KLF12: variants seen among roughly 807,000 people sequenced by gnomAD.
The protein encoded by KLF12 is Krueppel-like factor 12.
A neutral mutation model predicts 37.8 loss-of-function variants in KLF12; 9 were observed. The observed-to-expected ratio is 0.24, with a 90% CI of 0.14 to 0.42. KLF12 has a LOEUF of 0.42. Ranked by LOEUF, KLF12 falls within the 10% of genes least tolerant of loss-of-function variation. The pLI is 1.00. For synonymous variants in KLF12, 208 were observed against 202.1 expected, an observed-to-expected ratio of 1.03 and a Z score of -0.25; for missense variants, 411 against 516.0, an observed-to-expected ratio of 0.80 and a Z score of 1.97.
At chr13:74,033,798 C>T (rs1468590533) in intron 1 of KLF12, among the ~76,000 whole-genome samples, 6 of 151,852 alleles carry the variant, frequency 4.0e-5, no homozygotes, top group African/African-American at 1.4e-4. Context: ...GAATATATTC[C>T]TAGAAGTAAA....
At chr13:74,138,617 C>G (rs1440385747), upstream of KLF12, among the ~76,000 whole-genome samples, 1 of 152,066 alleles carries the variant, frequency 6.6e-6, no homozygotes, top group Non-Finnish European at 1.5e-5. Context: ...GTTTTCGGTC[C>G]TTCTAGTTTA....
At chr13:74,169,612 C>T in the KLF12 span, among the ~76,000 whole-genome samples, 11 of 152,250 alleles carry the variant, frequency 7.2e-5, no homozygotes, top group Admixed American at 7.2e-4. Flanking sequence ...AATAAGCTAC[C>T]ACTCTTTGCC....
intron 1 of KLF12, among the ~76,000 whole-genome samples, chr13:74,057,967 A>T (rs1165360403): frequency 2.8e-5 from 4 of 141,706 alleles, no homozygotes; most frequent in Non-Finnish European, 6.2e-5. Flanking sequence ...TAGCTATGTA[A>T]TTTTTTTTTT....
At chr13:73,944,175 T>C in intron 2 of KLF12, 105 bp from the exon 3 acceptor site, 1 of 688,306 alleles carries the variant, frequency 1.5e-6, no homozygotes, top group Non-Finnish European at 2.5e-6. Flanking sequence ...GCTAACCTAA[T>C]TTTTTAAACA....
At chr13:73,742,145 T>C (rs1322675895) in intron 6 of KLF12, among the ~76,000 whole-genome samples, 1 of 151,918 alleles carries the variant, frequency 6.6e-6, no homozygotes, top group Non-Finnish European at 1.5e-5. Context: ...TTTAGAGATA[T>C]AAGCAAAGGG....
In KLF12 at chr13:73,693,370, T is replaced by A. The variant is rs1175802235; in HGVS notation, c.*2120A>T. ...GTTGATGAGTAGTAGACTGTGCAGCTAAAGATGCTATTTATCACTAGAACT... is the reference window on the plus strand; with the variant it reads ...GTTGATGAGTAGTAGACTGTGCAGCAAAAGATGCTATTTATCACTAGAACT... On this transcript the variant is annotated 3_prime_UTR_variant, in exon 8 of 8. Coordinates refer to ENST00000377669, the MANE Select transcript of KLF12 (RefSeq NM_007249.5). 6.6e-6 allele frequency: 1 copy of A among 152,232 alleles called. No homozygotes were observed. The highest frequency in any genetic ancestry group is 2.4e-5 in the African/African-American group (1 of 41,454). The allele number at this position is 152,232 out of a possible 1,614,324, so 9.4% of individuals were successfully genotyped here. A position where few individuals can be genotyped will look rare whatever the true frequency, so the allele number is the denominator to read the frequency against.
the KLF12 span, among the ~76,000 whole-genome samples, chr13:74,150,120 A>G: frequency 6.6e-6 from 1 of 151,426 alleles, no homozygotes; most frequent in Admixed American, 6.6e-5. Flanking sequence ...TAATTTCAGT[A>G]AGGACTGATT....
chr13:73,722,687 A>T (rs552187534), intron 6 of KLF12, among the ~76,000 whole-genome samples: 1 of 152,334 alleles, frequency 6.6e-6, no homozygotes, highest in Non-Finnish European at 1.5e-5. Context: ...TTCAATAAAA[A>T]CGTTTTCACA....
chr13:74,270,390 C>T, the KLF12 span, among the ~76,000 whole-genome samples: 2 of 152,172 alleles, frequency 1.3e-5, no homozygotes, highest in African/African-American at 4.8e-5. Flanking sequence ...AGATTTAGTT[C>T]TGTCATATGG....
At chr13:74,055,225 C>T (rs148231898) in intron 1 of KLF12, among the ~76,000 whole-genome samples, 400 of 152,284 alleles carry the variant, frequency 2.6e-3, no homozygotes, top group African/African-American at 9.2e-3. Context: ...ACCAAAATAT[C>T]GTGTAGTGTT....
chr13:74,208,778 A>T, the KLF12 span, among the ~76,000 whole-genome samples: 4 of 152,138 alleles, frequency 2.6e-5, no homozygotes, highest in African/African-American at 9.7e-5. Context: ...AGTTTGAGGC[A>T]GCTTGGGCAG....
intron 6 of KLF12, among the ~76,000 whole-genome samples, chr13:73,737,715 T>C (rs1877561947): frequency 6.6e-6 from 1 of 152,186 alleles, no homozygotes; most frequent in Admixed American, 6.5e-5. Context: ...ATGAATATTA[T>C]GGATATGTGG....
At chr13:73,860,354 C>G (rs980751655) in intron 3 of KLF12, among the ~76,000 whole-genome samples, 4 of 152,166 alleles carry the variant, frequency 2.6e-5, no homozygotes, top group African/African-American at 9.7e-5. Flanking sequence ...GCACCTATCA[C>G]AGTCCCCAGT....
chr13:74,234,632 A>T, the KLF12 span, among the ~76,000 whole-genome samples: 1 of 152,188 alleles, frequency 6.6e-6, no homozygotes, highest in East Asian at 1.9e-4. Context: ...AGGAAAAGTC[A>T]TTATGCAAGG....
intron 2 of KLF12, among the ~76,000 whole-genome samples, chr13:73,946,604 C>T (rs1232183531): frequency 6.6e-6 from 1 of 152,086 alleles, no homozygotes; most frequent in Non-Finnish European, 1.5e-5. Context: ...AAAACATTCT[C>T]GATTTTTTTA....
intron 4 of KLF12, chr13:73,845,200 G>A (rs1487474670): frequency 1.3e-5 from 2 of 152,138 alleles, no homozygotes; most frequent in African/African-American, 4.8e-5. Context: ...AATATTTCCA[G>A]TATATTGAGT....
At chr13:73,901,512 A>T (rs906881749) in intron 3 of KLF12, among the ~76,000 whole-genome samples, 1 of 152,118 alleles carries the variant, frequency 6.6e-6, no homozygotes, top group Admixed American at 6.5e-5. Flanking sequence ...GGAGGTATAT[A>T]TTAGCCCAAA....
intron 2 of KLF12, among the ~76,000 whole-genome samples, chr13:73,966,765 A>AT (rs1442518782): frequency 1.3e-5 from 2 of 152,228 alleles, no homozygotes; most frequent in Admixed American, 1.3e-4. Flanking sequence ...CTGAATTTAT[A>AT]TGCCCAGTAA....
rs187238753 is a variant in KLF12, at chr13:73,794,278, T to C, written c.806+18874A>G. Among the ~76,000 whole-genome samples the C allele has an allele frequency of 4.9e-3, 750 of 152,300 alleles. 11 individuals are homozygous for C. Among genetic ancestry groups the C allele is most frequent in the African/African-American group, 0.017 (725 of 41,570 alleles). ...GAGTTCGAGACCAGCCTGGCCAACATGGCGAAACCCTGTCTCTATTAAAAA... is the reference window on the plus strand; with the variant it reads ...GAGTTCGAGACCAGCCTGGCCAACACGGCGAAACCCTGTCTCTATTAAAAA... On this transcript the variant is annotated intron_variant, in intron 5 of 7. Transcript: ENST00000377669.
Sources: gnomAD v4.1 joint callset for allele counts (sites outside exome capture counted in the v4.1 genomes callset) on GRCh38, gnomAD v4.1.1 for gene constraint, MANE v1.5 for transcripts, NCBI Gene and HGNC (gene_info 2026-07-23, HGNC 2026-07-21) for gene names.